Variants in GABRG1 observed in about 807,000 individuals in gnomAD.
GABRG1 encodes the protein gamma-aminobutyric acid receptor subunit gamma-1.
Under a neutral mutation model 49.8 loss-of-function variants are expected in GABRG1, and 49 were observed. The ratio of observed to expected loss-of-function variants is 0.98; its 90% confidence interval spans 0.78 to 1.25. The LOEUF (loss-of-function observed/expected upper bound fraction) is 1.25, where lower values mean the gene tolerates loss of function less well. Ranked by LOEUF, GABRG1 falls within the 50% of genes most tolerant of loss-of-function variation. GABRG1 has a pLI of 0.00. For missense variants in GABRG1, 552 were observed against 552.3 expected, an observed-to-expected ratio of 1.00 and a Z score of 0.01; for synonymous variants, 232 against 185.1, an observed-to-expected ratio of 1.25 and a Z score of -2.06.
chr4:46,085,065 T>C (rs914910707), intron 2 of GABRG1, among the ~76,000 whole-genome samples: 2 of 151,564 alleles, frequency 1.3e-5, no homozygotes, highest in African/African-American at 4.8e-5. Context: ...ATAAACAATA[T>C]ACCATTCTTA....
rs1210826939 is a variant in GABRG1 at position 46,036,356 on chromosome 4, T to C, written c.*4632A>G. 1.3e-5 allele frequency: 2 copies of C among 151,838 alleles called. No individual in the cohort carries two copies. Among genetic ancestry groups the C allele is most frequent in the Non-Finnish European group, 2.9e-5 (2 of 67,866 alleles). 9.4% of individuals were successfully genotyped at this position (151,838 alleles called of 1,614,324 possible). ...AGAAAACTGGAAATGGTTATTTGAA[T>C]AGAAAACTCTTTTAGTGAGGAACAT... On this transcript the variant is annotated 3_prime_UTR_variant, in exon 9 of 9. Coordinates refer to ENST00000295452, the MANE Select transcript of GABRG1 (RefSeq NM_173536.4).
At chr4:46,053,437 T>C (rs1403432187) in intron 7 of GABRG1, among the ~76,000 whole-genome samples, 5 of 109,598 alleles carry the variant, frequency 4.6e-5, no homozygotes, top group Admixed American at 4.4e-4. Context: ...AACAGTATGG[T>C]TGCAGATTTA....
rs1208530298 is a variant in GABRG1, at chr4:46,058,359, A to T, written c.774T>A (p.Val258=). 5 of 1,609,160 alleles carry T rather than the reference A, an allele frequency of 3.1e-6. No homozygotes were observed. In the South Asian group the frequency reaches 3.3e-5, roughly 11 times the overall value. ...TCAGGTCAAAAAAAATTGTCATGAT[A>T]ACATAATCCCCTGTAAGAAAAAAAA... The part of the protein sequence containing the change: ...EITHTISGDY[V]IMTIFFDLSR... Residue 258 remains valine (V), a synonymous_variant, in exon 7 of 9, where the codon GTT becomes GTA. Transcript: ENST00000295452.
chr4:46,091,289 CCTGA>C (rs1462986062), intron 2 of GABRG1, among the ~76,000 whole-genome samples: 3 of 152,010 alleles, frequency 2.0e-5, no homozygotes, highest in African/African-American at 4.8e-5. Context: ...CTTTACTCAA[CCTGA>C]CTATCGAAAC....
chr4:46,076,868 G>T (rs1299674657), intron 3 of GABRG1, among the ~76,000 whole-genome samples: 1 of 151,468 alleles, frequency 6.6e-6, no homozygotes, highest in Non-Finnish European at 1.5e-5. Flanking sequence ...TTCAATATTT[G>T]ACCAAAATCT....
chr4:46,110,611 T>C (rs1346305369), intron 1 of GABRG1, among the ~76,000 whole-genome samples: 1 of 150,788 alleles, frequency 6.6e-6, no homozygotes, highest in African/African-American at 2.4e-5. Context: ...TCAAAATAAA[T>C]AAGGCAAACT....
At chr4:46,121,392 C>T (rs562395139) in intron 1 of GABRG1, among the ~76,000 whole-genome samples, 1 of 151,856 alleles carries the variant, frequency 6.6e-6, no homozygotes, top group Non-Finnish European at 1.5e-5. Context: ...AAAAAGTTCA[C>T]CCAACTGTAG....
chr4:46,079,073 T>A (rs781265298), intron 3 of GABRG1, among the ~76,000 whole-genome samples: 5 of 33,198 alleles, frequency 1.5e-4, no homozygotes, highest in Non-Finnish European at 3.6e-4. Flanking sequence ...AAAAGTTTTG[T>A]TTTTTTTTTT....
intron 2 of GABRG1, among the ~76,000 whole-genome samples, chr4:46,088,948 C>T (rs1366863645): frequency 5.9e-5 from 9 of 151,672 alleles, no homozygotes; most frequent in Non-Finnish European, 1.2e-4. Context: ...TGCTCCCATA[C>T]CTGATCAGGG....
intron 7 of GABRG1, among the ~76,000 whole-genome samples, chr4:46,052,027 C>T (rs981066632): frequency 6.6e-6 from 1 of 151,792 alleles, no homozygotes; most frequent in Non-Finnish European, 1.5e-5. Context: ...AGGCAACATA[C>T]AATATCCTAA....
chr4:46,068,660 A>T (rs188158267), intron 3 of GABRG1, among the ~76,000 whole-genome samples: 73 of 152,208 alleles, frequency 4.8e-4, no homozygotes, highest in Non-Finnish European at 9.0e-4. Flanking sequence ...CTAATTTTTA[A>T]TAAATGCCTC....
At chr4:46,123,028 T>C (rs1721135614) in intron 1 of GABRG1, among the ~76,000 whole-genome samples, 2 of 151,824 alleles carry the variant, frequency 1.3e-5, no homozygotes, top group African/African-American at 4.8e-5. Flanking sequence ...AGTCCAGTTT[T>C]GTTTCTGTTA....
At chr4:46,059,041 C>T (rs1718565412) in intron 5 of GABRG1, among the ~76,000 whole-genome samples, 1 of 152,042 alleles carries the variant, frequency 6.6e-6, no homozygotes, top group Non-Finnish European at 1.5e-5. Context: ...TTAAGGCATT[C>T]TTTGGCATAT....
At chr4:46,108,422 C>T (rs1720623407) in intron 1 of GABRG1, among the ~76,000 whole-genome samples, 1 of 151,136 alleles carries the variant, frequency 6.6e-6, no homozygotes, top group African/African-American at 2.4e-5. Flanking sequence ...AGAGTCCACT[C>T]ATTCATCAGT....
intron 2 of GABRG1, among the ~76,000 whole-genome samples, chr4:46,088,133 T>G (rs1028200747): frequency 2.0e-5 from 3 of 152,046 alleles, no homozygotes; most frequent in Non-Finnish European, 4.4e-5. Context: ...TGGTTCTCAA[T>G]GAGAACACCA....
At chr4:46,093,371 A>G (rs536800725) in intron 2 of GABRG1, among the ~76,000 whole-genome samples, 2 of 152,162 alleles carry the variant, frequency 1.3e-5, no homozygotes, top group South Asian at 2.1e-4. Flanking sequence ...CAAAAGTCAC[A>G]TGTTCTCACT....
intron 3 of GABRG1, among the ~76,000 whole-genome samples, chr4:46,079,229 A>G (rs1719471780): frequency 6.6e-6 from 1 of 151,798 alleles, no homozygotes; most frequent in Non-Finnish European, 1.5e-5. Flanking sequence ...CCTACTGCTC[A>G]CCCCTTTGTA....
At chr4:46,056,134 A>T (rs868620798) in intron 7 of GABRG1, among the ~76,000 whole-genome samples, 542 of 27,382 alleles carry the variant, frequency 0.02, 67 homozygotes, top group African/African-American at 0.037. Flanking sequence ...GAAAAAAAAA[A>T]AAATAAATAA....
chr4:46,098,106 T>A (rs1720244689), intron 1 of GABRG1, among the ~76,000 whole-genome samples: 1 of 151,766 alleles, frequency 6.6e-6, no homozygotes, highest in Non-Finnish European at 1.5e-5. Context: ...ACAAATCTAT[T>A]TATCAGCAAA....
Sources: allele counts gnomAD v4.1 joint callset (sites outside exome capture counted in the v4.1 genomes callset), GRCh38; gene constraint gnomAD v4.1.1; transcripts MANE v1.5; gene names NCBI Gene and HGNC (gene_info 2026-07-23, HGNC 2026-07-21).